Variants in ZNF717 observed in about 807,000 individuals in gnomAD.
ZNF717 encodes krueppel-like factor X17.
ZNF717 carries 9 observed loss-of-function variants against 13.8 expected under a neutral mutation model. The observed-to-expected ratio is 0.65, with a 90% CI of 0.39 to 1.14. ZNF717 has a LOEUF of 1.14. Among genes scored for constraint, ZNF717 ranks in the 50% most tolerant of loss-of-function variants. ZNF717 has a pLI of 0.01. For synonymous variants in ZNF717, 327 were observed against 364.1 expected, an observed-to-expected ratio of 0.90 and a Z score of 1.16; for missense variants, 1,040 against 1,080.7, an observed-to-expected ratio of 0.96 and a Z score of 0.53.
At chr3:75,702,516 G>A (rs1285620707) in intron 6 of ZNF717, among the ~76,000 whole-genome samples, 2 of 152,386 alleles carry the variant, frequency 1.3e-5, no homozygotes, top group South Asian at 4.2e-4. Flanking sequence ...TGCTAAATGG[G>A]TTAAAACAAT....
At chr3:75,725,929 A>C (rs1938270331), downstream of ZNF717, among the ~76,000 whole-genome samples, 2 of 152,240 alleles carry the variant, frequency 1.3e-5, no homozygotes, top group Non-Finnish European at 1.5e-5. Flanking sequence ...CGTCCTTAAG[A>C]GACTCATGCA....
intron 2 of ZNF717, among the ~76,000 whole-genome samples, chr3:75,765,921 C>A (rs972063552): frequency 1.4e-4 from 21 of 152,000 alleles, no homozygotes; most frequent in African/African-American, 5.1e-4. Context: ...CCAGCCTGTG[C>A]AAAATGGCAA....
intron 2 of ZNF717, among the ~76,000 whole-genome samples, chr3:75,749,356 C>T (rs1307589985): frequency 6.6e-6 from 1 of 151,936 alleles, no homozygotes; most frequent in African/African-American, 2.4e-5. Context: ...AGTGTCTGTC[C>T]TTCATATAGG....
At chr3:75,775,461 G>C (rs1944235474) in intron 2 of ZNF717, among the ~76,000 whole-genome samples, 1 of 152,244 alleles carries the variant, frequency 6.6e-6, no homozygotes, top group Admixed American at 6.5e-5. Context: ...AAAGGACCCT[G>C]AAAAACACTC....
chr3:75,743,493 C>T (rs1212795533), intron 2 of ZNF717, among the ~76,000 whole-genome samples: 1 of 152,200 alleles, frequency 6.6e-6, no homozygotes, highest in Non-Finnish European at 1.5e-5. Flanking sequence ...AGGGTGAACA[C>T]AGCCACTTCA....
intron 2 of ZNF717, among the ~76,000 whole-genome samples, chr3:75,780,994 T>C (rs544766681): frequency 5.8e-4 from 88 of 152,364 alleles, no homozygotes; most frequent in African/African-American, 2.1e-3. Context: ...GTAAGTACAT[T>C]TGCAATGGTA....
Position 75,739,132 on chromosome 3 carries a change from T to C in ZNF717, c.491A>G (p.Asn164Ser). 5 of 1,550,822 alleles carry C rather than the reference T, an allele frequency of 3.2e-6. No individual in the cohort carries two copies. Among genetic ancestry groups the C allele is most frequent in the Non-Finnish European group, 4.4e-6 (5 of 1,146,400 alleles). Residue 164 changes from asparagine to serine, a missense_variant, in exon 5 of 5, where the codon AAC (asparagine) becomes AGC (serine). By Grantham distance (46) the Asn-to-Ser change is conservative. Around this residue, in one of 3 missense-constraint regions of ZNF717, gnomAD observed 873 missense variants for 832.8 expected, o/e 1.05. Coordinates refer to ENST00000652011, the MANE Select transcript of ZNF717 (RefSeq NM_001290208.3). ...MKPGQFNDCQ[N>S]MLFPIKPGET... is the part of the protein sequence containing the mutation. ...CCCAGGCTTAATAGGGAAAAGCATG[T>C]TCTGGCAATCATTAAACTGCCCAGG...
chr3:75,729,111 C>T (rs1429644178), downstream of ZNF717, among the ~76,000 whole-genome samples: 1 of 144,198 alleles, frequency 6.9e-6, no homozygotes, highest in Non-Finnish European at 1.5e-5. Flanking sequence ...TTATACATAA[C>T]ATAGACAAAC....
intron 2 of ZNF717, among the ~76,000 whole-genome samples, chr3:75,745,416 T>A (rs140808933): frequency 6.6e-6 from 1 of 151,644 alleles, no homozygotes; most frequent in Non-Finnish European, 1.5e-5. Flanking sequence ...ACGCATACAT[T>A]GTGAAAAGGT....
intron 4 of ZNF717, among the ~76,000 whole-genome samples, chr3:75,740,594 T>TTG (rs1940271459): frequency 7.4e-6 from 1 of 134,922 alleles, no homozygotes; most frequent in Non-Finnish European, 1.6e-5. Context: ...TTTTTGTAGG[T>TTG]GGTTGTCTAC....
At chr3:75,745,686 T>C (rs79410135) in intron 2 of ZNF717, among the ~76,000 whole-genome samples, 1 of 152,022 alleles carries the variant, frequency 6.6e-6, no homozygotes, top group Non-Finnish European at 1.5e-5. Flanking sequence ...TCAACTTTTT[T>C]ATATACCAGT....
chr3:75,769,029 G>A (rs1490510991), intron 2 of ZNF717, among the ~76,000 whole-genome samples: 1 of 152,142 alleles, frequency 6.6e-6, no homozygotes, highest in South Asian at 2.1e-4. Flanking sequence ...AATGTTAATA[G>A]TTTGTGGCCA....
chr3:75,725,874 A>G (rs1487525390), downstream of ZNF717, among the ~76,000 whole-genome samples: 5 of 152,260 alleles, frequency 3.3e-5, no homozygotes, highest in African/African-American at 4.8e-5. Flanking sequence ...CAGCCAAACC[A>G]TATCAGTCTC....
chr3:75,758,838 T>C (rs2107526545), intron 2 of ZNF717, among the ~76,000 whole-genome samples: 1 of 142,920 alleles, frequency 7.0e-6, no homozygotes, highest in East Asian at 2.0e-4. Context: ...ACACCATCTC[T>C]ACAAAAAAAA....
At chr3:75,759,591 C>CA in intron 2 of ZNF717, among the ~76,000 whole-genome samples, 1 of 151,028 alleles carries the variant, frequency 6.6e-6, no homozygotes, top group African/African-American at 2.4e-5. Flanking sequence ...TTTTTTGAGA[C>CA]AGAGTCTCAC....
At chr3:75,740,922 A>G (rs1940332954) in intron 4 of ZNF717, among the ~76,000 whole-genome samples, 1 of 151,860 alleles carries the variant, frequency 6.6e-6, no homozygotes, top group African/African-American at 2.4e-5. Context: ...AAAATCACTT[A>G]AGATACATTC....
At chr3:75,763,725 C>T (rs1943211541) in intron 2 of ZNF717, among the ~76,000 whole-genome samples, 1 of 152,198 alleles carries the variant, frequency 6.6e-6, no homozygotes, top group Non-Finnish European at 1.5e-5. Flanking sequence ...AGACATCAAA[C>T]TAAAATTACT....
chr3:75,765,981 C>A (rs1297629424), intron 2 of ZNF717, among the ~76,000 whole-genome samples: 1 of 152,100 alleles, frequency 6.6e-6, no homozygotes, highest in Admixed American at 6.5e-5. Flanking sequence ...TGGTGCCATG[C>A]ACCTGTAGTC....
rs1559609000 is a variant in ZNF717, at chr3:75,741,395, T to A, written c.185-27A>T. The A allele has an allele frequency of 1.9e-5, 28 of 1,481,594 alleles. No individual in the cohort carries two copies. In the East Asian group the frequency reaches 6.4e-4, roughly 34 times the overall value. The allele number at this position is 1,481,594 out of a possible 1,614,324, so 91.8% of individuals were successfully genotyped here. ...TGGTAATGAGAAACAATGGAAGACT[T>A]TGTCAAACCACTAAGTCAAATCCTT... is the stretch of plus-strand genomic sequence containing the variant. On this transcript the variant is annotated intron_variant, in intron 3 of 4. Transcript: ENST00000652011.
Sources: allele counts gnomAD v4.1 joint callset (sites outside exome capture counted in the v4.1 genomes callset), GRCh38; gene constraint gnomAD v4.1.1; regional missense constraint gnomAD v4.1.1; transcripts MANE v1.5; gene names NCBI Gene and HGNC (gene_info 2026-07-23, HGNC 2026-07-21).